Variants in FOXO1 observed in about 807,000 individuals in gnomAD.
FOXO1 encodes forkhead box protein O1.
Under a neutral mutation model 44.1 loss-of-function variants are expected in FOXO1, and 6 were observed. That is an observed-to-expected ratio of 0.14 (90% CI 0.07 to 0.27). The LOEUF (loss-of-function observed/expected upper bound fraction) is 0.27, where lower values mean the gene tolerates loss of function less well. FOXO1 is among the 10% of genes least tolerant of loss of function. The probability of loss-of-function intolerance (pLI) is 1.00; values close to 1 mark genes in which losing one functional copy is unlikely to be tolerated. For missense variants in FOXO1, 737 were observed against 888.8 expected (o/e 0.83, Z 2.17); for synonymous variants, 380 against 362.7 (o/e 1.05, Z -0.54).
At chr13:40,569,042 G>A (rs1347440533) in intron 1 of FOXO1, among the ~76,000 whole-genome samples, 1 of 152,080 alleles carries the variant, frequency 6.6e-6, no homozygotes, top group Non-Finnish European at 1.5e-5. Context: ...CCTTACCTAT[G>A]GTCTCAAACC....
At chr13:40,644,313 C>A (rs923468761) in intron 1 of FOXO1, among the ~76,000 whole-genome samples, 3 of 152,170 alleles carry the variant, frequency 2.0e-5, no homozygotes, top group Non-Finnish European at 4.4e-5. Flanking sequence ...GGACTAGACT[C>A]CTCCTCTCAC....
chr13:40,655,737 G>A (rs1877839849), intron 1 of FOXO1, among the ~76,000 whole-genome samples: 1 of 143,362 alleles, frequency 7.0e-6, no homozygotes, highest in Admixed American at 7.5e-5. Context: ...CCACCTCACA[G>A]GTCTGAGGCA....
chr13:40,598,246 G>T (rs936987300), intron 1 of FOXO1, among the ~76,000 whole-genome samples: 25 of 152,302 alleles, frequency 1.6e-4, no homozygotes, highest in African/African-American at 6.0e-4. Context: ...GCACAGGGTA[G>T]CAACTTTGTC....
intron 1 of FOXO1, chr13:40,619,745 G>A (rs755395478): frequency 1.4e-5 from 13 of 916,370 alleles, no homozygotes; most frequent in Non-Finnish European, 2.2e-5. Flanking sequence ...ACAGTAGGAA[G>A]ATTAAAAAAT....
In FOXO1 at chr13:40,558,579, T is replaced by C. The variant is rs1282261799; in HGVS notation, c.*470A>G. 1 of 327,290 alleles carries C rather than the reference T, an allele frequency of 3.1e-6. No individual in the cohort carries two copies. The allele number at this position is 327,290 out of a possible 1,614,324, so 20.3% of individuals were successfully genotyped here. ...CGTCAGTTCCGCAGAAAACAGGTAG[T>C]ACAAACAAAAGTTTAACTTATCAAG... On this transcript the variant is annotated 3_prime_UTR_variant, in exon 3 of 3. Coordinates refer to ENST00000379561, the MANE Select transcript of FOXO1 (RefSeq NM_002015.4).
At chr13:40,620,870 C>A (rs1876589625) in intron 1 of FOXO1, among the ~76,000 whole-genome samples, 1 of 142,426 alleles carries the variant, frequency 7.0e-6, no homozygotes, top group African/African-American at 2.7e-5. Context: ...GCGATCTTGG[C>A]TCACTGCAAT....
chr13:40,619,498 T>A (rs563941460), intron 1 of FOXO1: 2 of 1,328,216 alleles, frequency 1.5e-6, no homozygotes, highest in South Asian at 2.4e-5. Flanking sequence ...TCGGTTTAGT[T>A]TGGAAATCCA....
At chr13:40,649,580 T>TC (rs1486084445) in intron 1 of FOXO1, among the ~76,000 whole-genome samples, 3 of 152,170 alleles carry the variant, frequency 2.0e-5, no homozygotes, top group Admixed American at 6.5e-5. Context: ...TTAAGTAGGG[T>TC]CCTCCTATAT....
At chr13:40,633,936 C>T (rs1208112822) in intron 1 of FOXO1, among the ~76,000 whole-genome samples, 1 of 152,160 alleles carries the variant, frequency 6.6e-6, no homozygotes, top group Non-Finnish European at 1.5e-5. Flanking sequence ...GAAATGCATG[C>T]TATTCCTATT....
chr13:40,631,526 C>A (rs1876962740), intron 1 of FOXO1, among the ~76,000 whole-genome samples: 1 of 152,156 alleles, frequency 6.6e-6, no homozygotes, highest in African/African-American at 2.4e-5. Context: ...TCCATATTCA[C>A]AGCAGTACTA....
intron 1 of FOXO1, among the ~76,000 whole-genome samples, chr13:40,615,463 T>C (rs536741281): frequency 1.3e-5 from 2 of 151,856 alleles, no homozygotes; most frequent in African/African-American, 4.8e-5. Flanking sequence ...ACCCAGGAGG[T>C]GGAGGTTGCA....
At chr13:40,654,505 A>C (rs1877793708) in intron 1 of FOXO1, among the ~76,000 whole-genome samples, 1 of 150,740 alleles carries the variant, frequency 6.6e-6, no homozygotes, top group Admixed American at 6.6e-5. Flanking sequence ...TGTCACAAAA[A>C]AAAAAAAAAA....
Position 40,560,033 on chromosome 13 carries a change from C to G in FOXO1, c.1458G>C (p.Gln486His). Reference sequence around the variant, plus strand: ...TCTGGCCCAGAACCCGGCTGTTGGGCTGGGCTACCCCAGGATCAACTGGTG... The same window carrying G: ...TCTGGCCCAGAACCCGGCTGTTGGGGTGGGCTACCCCAGGATCAACTGGTG... ...IMTPVDPGVA[Q>H]PNSRVLGQNV... Residue 486 changes from glutamine (Q) to histidine (H), a missense_variant, in exon 2 of 3, where the codon CAG (glutamine) becomes CAC (histidine). Physicochemically the swap from Gln to His is conservative, Grantham distance 24. Around this residue, in one of 7 missense-constraint regions of FOXO1, gnomAD observed 283 missense variants for 278.1 expected, o/e 1.02. Coordinates refer to ENST00000379561, the MANE Select transcript of FOXO1 (RefSeq NM_002015.4). The surrounding 1 kb of genome is among the most constrained non-coding windows in gnomAD (Gnocchi z 5.1). 2 of 1,614,126 alleles carry G rather than the reference C, an allele frequency of 1.2e-6. No individual in the cohort carries two copies.
Position 40,560,071 on chromosome 13 carries a change from T to C in FOXO1, c.1420A>G (p.Asn474Asp), listed in dbSNP as rs1193261169. The C allele has an allele frequency of 7.4e-6, 12 of 1,613,948 alleles. No homozygotes were observed. The East Asian group carries it at 8.9e-5, about 12-fold the overall frequency. Residue 474 changes from asparagine (N) to aspartate (D), a missense_variant, in exon 2 of 3, where the codon AAT becomes GAT. Physicochemically the swap from Asn to Asp is conservative, Grantham distance 23. Coordinates refer to ENST00000379561, the MANE Select transcript of FOXO1 (RefSeq NM_002015.4). The surrounding 1 kb of genome is among the most constrained non-coding windows in gnomAD (Gnocchi z 5.1). ...ELLTSDSPPH[N>D]DIMTPVDPGV... ...GGATCAACTGGTGTCATAATGTCAT[T>C]ATGGGGAGGAGAGTCAGAAGTCAGC...
chr13:40,641,314 C>A (rs567643393), intron 1 of FOXO1, among the ~76,000 whole-genome samples: 12 of 152,214 alleles, frequency 7.9e-5, no homozygotes, highest in Middle Eastern at 3.4e-3. Flanking sequence ...TCAACTCCTC[C>A]CAACCGCTCA....
At chr13:40,646,739 A>G (rs953540609) in intron 1 of FOXO1, among the ~76,000 whole-genome samples, 8 of 152,042 alleles carry the variant, frequency 5.3e-5, no homozygotes, top group Non-Finnish European at 8.8e-5. Context: ...GATTACAGAC[A>G]TGTGCCACCA....
intron 1 of FOXO1, among the ~76,000 whole-genome samples, chr13:40,580,885 C>T (rs1326006747): frequency 1.3e-5 from 2 of 151,986 alleles, no homozygotes; most frequent in Non-Finnish European, 2.9e-5. Context: ...GCTCAAAGAC[C>T]CTGAAGAACA....
chr13:40,666,217 A>AC lies in FOXO1; in HGVS notation c.-6dup. ...CACCTGAGGCGCCTCGGCCATGGTG[A>AC]CCCCCGCCCCTCCCCCAGCCGCAGG... On this transcript the variant is annotated 5_prime_UTR_variant, in exon 1 of 3. Transcript: ENST00000379561. The AC allele has an allele frequency of 1.4e-6, 2 of 1,402,694 alleles. No individual in the cohort carries two copies. The highest frequency in any genetic ancestry group is 2.5e-4 in the Middle Eastern group (1 of 3,984). 86.9% of individuals were successfully genotyped at this position (1,402,694 alleles called of 1,614,324 possible). A position where few individuals can be genotyped will look rare whatever the true frequency, so the allele number is the denominator to read the frequency against.
At chr13:40,601,239 CAATA>C (rs1451571130) in intron 1 of FOXO1, among the ~76,000 whole-genome samples, 1 of 152,140 alleles carries the variant, frequency 6.6e-6, no homozygotes, top group Non-Finnish European at 1.5e-5. Context: ...TAAATAAAAA[CAATA>C]AATAACATAA....
Sources: gnomAD v4.1 joint callset for allele counts (sites outside exome capture counted in the v4.1 genomes callset) on GRCh38, gnomAD v4.1.1 for gene constraint, gnomAD v4.1.1 regional missense constraint, Gnocchi (gnomAD v3.1) non-coding constraint, MANE v1.5 for transcripts, NCBI Gene and HGNC (gene_info 2026-07-23, HGNC 2026-07-21) for gene names.